The following PRR5 variants were observed in gnomAD, a reference collection of about 807,000 sequenced individuals.
PRR5 encodes proline rich 5.
PRR5 carries 25 observed loss-of-function variants against 30.6 expected under a neutral mutation model. The observed-to-expected ratio is 0.82, with a 90% confidence interval of 0.60 to 1.14. The LOEUF (loss-of-function observed/expected upper bound fraction) is 1.14. Ranked by LOEUF, PRR5 falls within the 50% of genes most tolerant of loss-of-function variation. The pLI is 0.00. For synonymous variants in PRR5, 286 were observed against 247.1 expected, an observed-to-expected ratio of 1.16 and a Z score of -1.48; for missense variants, 600 against 547.1, an observed-to-expected ratio of 1.10 and a Z score of -0.96.
At chr22:44,733,098 T>A (rs976680571) in intron 6 of PRR5, among the ~76,000 whole-genome samples, 2 of 152,246 alleles carry the variant, frequency 1.3e-5, no homozygotes, top group Non-Finnish European at 2.9e-5. Context: ...CCAGAGGGCT[T>A]TTGTCAGTGG....
At chr22:44,698,315 T>C (rs1286208843), upstream of PRR5, among the ~76,000 whole-genome samples, 1 of 150,080 alleles carries the variant, frequency 6.7e-6, no homozygotes, top group East Asian at 2.0e-4. Flanking sequence ...TGAATGAGTC[T>C]GGAGCAGGGG....
chr22:44,671,561 C>T (rs1046590613), intron 1 of PRR5, among the ~76,000 whole-genome samples: 1 of 151,952 alleles, frequency 6.6e-6, no homozygotes, highest in Non-Finnish European at 1.5e-5. Context: ...GCAGGAGGAG[C>T]CTTCAGAAGC....
chr22:44,718,115 A>G (rs535535558), intron 2 of PRR5, among the ~76,000 whole-genome samples: 1 of 149,138 alleles, frequency 6.7e-6, no homozygotes, highest in Admixed American at 6.7e-5. Context: ...GGTTCTTTCT[A>G]CCTTTTGGCT....
intron 2 of PRR5, among the ~76,000 whole-genome samples, chr22:44,718,995 G>A (rs957190041): frequency 2.0e-5 from 3 of 151,562 alleles, no homozygotes; most frequent in African/African-American, 7.3e-5. Context: ...GTTTTTATTT[G>A]TATAATGTCC....
Position 44,736,869 on chromosome 22 carries a change from G to A in PRR5, c.789G>A (p.Val263=), listed in dbSNP as rs781717773. 2.9e-5 allele frequency: 47 copies of A among 1,609,792 alleles called. 1 individual carries two copies. The South Asian group carries it at 4.8e-4, about 17-fold the overall frequency. Residue 263 remains valine, a synonymous_variant, in exon 8 of 8, where the codon GTG becomes GTA. Coordinates refer to ENST00000336985, the MANE Select transcript of PRR5 (RefSeq NM_181333.4). ...KSYNTPLLNP[V]QEHEAEGAAA... ...ACAACACGCCTCTGCTGAACCCCGTGCAGGAGCACGAGGCGGAGGGCGCGG... is the reference window on the plus strand; with the variant it reads ...ACAACACGCCTCTGCTGAACCCCGTACAGGAGCACGAGGCGGAGGGCGCGG...
intron 4 of PRR5, among the ~76,000 whole-genome samples, chr22:44,728,467 A>T (rs1430239528): frequency 6.6e-6 from 1 of 152,196 alleles, no homozygotes; most frequent in Non-Finnish European, 1.5e-5. Flanking sequence ...ACAGACACGG[A>T]CCCGAGGGTG....
chr22:44,672,609 A>G (rs1040804276), upstream of PRR5, among the ~76,000 whole-genome samples: 1 of 152,152 alleles, frequency 6.6e-6, no homozygotes, highest in Non-Finnish European at 1.5e-5. Context: ...AAAATAAAAG[A>G]TGTCAAGAAA....
chr22:44,712,923 G>C (rs1928477086), intron 1 of PRR5, among the ~76,000 whole-genome samples: 1 of 152,220 alleles, frequency 6.6e-6, no homozygotes, highest in Non-Finnish European at 1.5e-5. Context: ...GAAGGGAGGG[G>C]TTGGGGGTCA....
intron 1 of PRR5, among the ~76,000 whole-genome samples, chr22:44,683,821 C>T (rs1043142210): frequency 2.8e-4 from 43 of 152,218 alleles, no homozygotes; most frequent in African/African-American, 1.0e-3. Flanking sequence ...GAAGCCTACT[C>T]GCGAGCCACC....
chr22:44,724,885 A>T (rs1271002659), intron 2 of PRR5, among the ~76,000 whole-genome samples: 1 of 152,232 alleles, frequency 6.6e-6, no homozygotes, highest in Non-Finnish European at 1.5e-5. Context: ...GGATTTGGAC[A>T]GGTGGAAGGC....
At chr22:44,684,233 C>G (rs556751778) in intron 1 of PRR5, among the ~76,000 whole-genome samples, 1 of 152,156 alleles carries the variant, frequency 6.6e-6, no homozygotes, top group Non-Finnish European at 1.5e-5. Context: ...GATCCAGCCT[C>G]GAGAGTGGTA....
chr22:44,685,619 CCTCTCCCCAGTGAAAGCCACAAG>C (rs1473286558), intron 1 of PRR5, among the ~76,000 whole-genome samples: 3 of 152,136 alleles, frequency 2.0e-5, no homozygotes, highest in Admixed American at 6.5e-5. Flanking sequence ...AAGCCACACC[CCTCTCCCCAGTGAAAGCCACAAG>C]CTCTCCCCAG....
At chr22:44,697,781 C>T (rs910285187), upstream of PRR5, among the ~76,000 whole-genome samples, 3 of 152,226 alleles carry the variant, frequency 2.0e-5, no homozygotes, top group Non-Finnish European at 4.4e-5. Flanking sequence ...GGACATACGC[C>T]TCGGCCTCCC....
chr22:44,732,745 C>G (rs980460786), intron 6 of PRR5, among the ~76,000 whole-genome samples: 1 of 150,658 alleles, frequency 6.6e-6, no homozygotes, highest in African/African-American at 2.5e-5. Context: ...ACACCACACA[C>G]GTGTGCACGC....
At chr22:44,702,149 C>T (rs1412623976), upstream of PRR5, 5 of 403,800 alleles carry the variant, frequency 1.2e-5, no homozygotes, top group African/African-American at 1.1e-4. Context: ...CCTTCCCCGC[C>T]CCGCCCCCCG....
At chr22:44,711,729 A>T (rs931289464) in intron 1 of PRR5, among the ~76,000 whole-genome samples, 3 of 152,090 alleles carry the variant, frequency 2.0e-5, no homozygotes, top group African/African-American at 7.2e-5. Context: ...AGAACTTGGG[A>T]AGGCACCTCT....
At chr22:44,675,105 C>G (rs188373923), upstream of PRR5, among the ~76,000 whole-genome samples, 1 of 151,194 alleles carries the variant, frequency 6.6e-6, no homozygotes, top group Non-Finnish European at 1.5e-5. Flanking sequence ...AAAAAATTAG[C>G]CGGGCGTGGT....
At chr22:44,710,977 A>C (rs1297618839) in intron 1 of PRR5, among the ~76,000 whole-genome samples, 1 of 151,238 alleles carries the variant, frequency 6.6e-6, no homozygotes, top group Non-Finnish European at 1.5e-5. Context: ...GGGACACTGA[A>C]CCACTGAGTG....
rs1234879901 is a variant in PRR5, at chr22:44,691,761, C to A, written c.-10-10731C>A. ...TGCATTCCAGCCTGCGCGACGGGAG[C>A]AAGACTCCATCTCAAAAAAAAAAAG... On this transcript the variant is annotated intron_variant, in intron 1 of 8. Coordinates refer to the PRR5 transcript ENST00000006251. The surrounding 1 kb of genome is among the most constrained non-coding windows in gnomAD (Gnocchi z 4.4). Among the ~76,000 whole-genome samples the A allele has an allele frequency of 6.6e-6, 1 of 151,526 alleles. No individual in the cohort carries two copies. Among genetic ancestry groups the A allele is most frequent in the Non-Finnish European group, 1.5e-5 (1 of 67,874 alleles).
Sources: allele counts gnomAD v4.1 joint callset (sites outside exome capture counted in the v4.1 genomes callset), GRCh38; gene constraint gnomAD v4.1.1; non-coding constraint Gnocchi (gnomAD v3.1); transcripts MANE v1.5; gene names NCBI Gene and HGNC (gene_info 2026-07-23, HGNC 2026-07-21).